The following SEMA6D variants were observed in gnomAD, a reference collection of about 807,000 sequenced individuals.
SEMA6D encodes the protein semaphorin-6D.
Under a neutral mutation model 106.6 loss-of-function variants are expected in SEMA6D, and 35 were observed. The observed-to-expected ratio is 0.33, with a 90% confidence interval of 0.25 to 0.44. The LOEUF is 0.44. Among genes scored for constraint, SEMA6D ranks in the 20% least tolerant of loss-of-function variants. The probability of loss-of-function intolerance (pLI) is 1.00; values close to 1 mark genes in which losing one functional copy is unlikely to be tolerated. For missense variants in SEMA6D, 1,185 were observed against 1,345.9 expected, an observed-to-expected ratio of 0.88 and a Z score of 1.87; for synonymous variants, 499 against 487.7, an observed-to-expected ratio of 1.02 and a Z score of -0.31.
intron 1 of SEMA6D, among the ~76,000 whole-genome samples, chr15:47,374,784 C>T (rs372528018): frequency 5.3e-5 from 8 of 152,238 alleles, no homozygotes; most frequent in African/African-American, 1.4e-4. Flanking sequence ...TTACTCCTAA[C>T]GTCTAAATCT....
At chr15:47,264,307 A>C (rs1052339371) in intron 1 of SEMA6D, among the ~76,000 whole-genome samples, 17 of 151,608 alleles carry the variant, frequency 1.1e-4, no homozygotes, top group African/African-American at 4.1e-4. Context: ...TTACTTATGT[A>C]ATAAACCTGG....
intron 2 of SEMA6D, among the ~76,000 whole-genome samples, chr15:47,428,345 A>G (rs756384084): frequency 1.3e-5 from 2 of 152,142 alleles, no homozygotes; most frequent in South Asian, 2.1e-4. Context: ...ATATACATCA[A>G]TCAACTCCAG....
chr15:47,400,488 CAA>C (rs375822492), intron 1 of SEMA6D, among the ~76,000 whole-genome samples: 11 of 119,116 alleles, frequency 9.2e-5, no homozygotes, highest in African/African-American at 1.6e-4. Context: ...GACTCTGTCT[CAA>C]AAAAAAAAAA....
At chr15:47,549,850 C>T (rs935451524) in intron 3 of SEMA6D, among the ~76,000 whole-genome samples, 1 of 152,102 alleles carries the variant, frequency 6.6e-6, no homozygotes, top group Non-Finnish European at 1.5e-5. Flanking sequence ...TTTTTCACTA[C>T]AGCCCTAAGC....
chr15:47,344,770 ACT>A (rs758511797), intron 1 of SEMA6D, among the ~76,000 whole-genome samples: 46 of 152,054 alleles, frequency 3.0e-4, no homozygotes, highest in Non-Finnish European at 4.9e-4. Context: ...AAGAAGTAAA[ACT>A]CTTTTGTTTG....
At chr15:47,614,686 C>T (rs2143989596) in intron 4 of SEMA6D, among the ~76,000 whole-genome samples, 1 of 152,278 alleles carries the variant, frequency 6.6e-6, no homozygotes, top group South Asian at 2.1e-4. Flanking sequence ...TAAGAGTTCC[C>T]ACCCTCCAGT....
At chr15:47,376,439 G>A (rs1299303201) in intron 1 of SEMA6D, among the ~76,000 whole-genome samples, 2 of 152,196 alleles carry the variant, frequency 1.3e-5, no homozygotes, top group Non-Finnish European at 2.9e-5. Flanking sequence ...CAATGGAGAT[G>A]TTGAACATAA....
intron 1 of SEMA6D, among the ~76,000 whole-genome samples, chr15:47,259,442 A>G (rs929218335): frequency 3.9e-5 from 6 of 152,052 alleles, no homozygotes; most frequent in African/African-American, 1.4e-4. Context: ...TTTACCAGAT[A>G]TAAAATTTAT....
chr15:47,207,647 A>G (rs1895163224), intron 1 of SEMA6D, among the ~76,000 whole-genome samples: 1 of 152,014 alleles, frequency 6.6e-6, no homozygotes, highest in Middle Eastern at 3.2e-3. Context: ...CAATTTAGCA[A>G]ATCTGCCTGG....
chr15:47,687,137 C>T (rs555769974), intron 4 of SEMA6D, among the ~76,000 whole-genome samples: 4 of 150,922 alleles, frequency 2.7e-5, no homozygotes, highest in East Asian at 1.9e-4. Flanking sequence ...TGGAAAACTT[C>T]GACTAAATCT....
At chr15:47,718,051 A>G (rs2079195163) in intron 1 of SEMA6D, among the ~76,000 whole-genome samples, 2 of 152,126 alleles carry the variant, frequency 1.3e-5, no homozygotes, top group Admixed American at 6.5e-5. Context: ...CCCCTTGGAA[A>G]AAAAGCGGAG....
chr15:47,330,790 A>G (rs2037312958), intron 1 of SEMA6D, among the ~76,000 whole-genome samples: 1 of 152,194 alleles, frequency 6.6e-6, no homozygotes, highest in South Asian at 2.1e-4. Context: ...CTCTGAGGAA[A>G]TGACTTTCAA....
At position 47,516,134 on chromosome 15, in the gene SEMA6D, A is replaced by G. The variant is rs2044380060; in HGVS notation, c.-87+45589A>G. Among the ~76,000 whole-genome samples the G allele has an allele frequency of 2.0e-5, 3 of 152,220 alleles. No homozygotes were observed. In the South Asian group the frequency reaches 6.2e-4, roughly 32 times the overall value. ...ATGGATGGCTTTTGTTATGGGAGCA[A>G]CATTGTTGTTTATAATGACTCTGCA... On this transcript the variant is annotated intron_variant, in intron 3 of 19. Coordinates refer to the SEMA6D transcript ENST00000558014.
intron 1 of SEMA6D, among the ~76,000 whole-genome samples, chr15:47,370,083 C>T (rs543151399): frequency 6.6e-6 from 1 of 152,318 alleles, no homozygotes; most frequent in East Asian, 1.9e-4. Context: ...CTTGTTTCTT[C>T]TGGCAAAGGG....
At chr15:47,601,698 G>A (rs1160024720) in intron 4 of SEMA6D, among the ~76,000 whole-genome samples, 13 of 152,148 alleles carry the variant, frequency 8.5e-5, no homozygotes, top group Admixed American at 8.5e-4. Flanking sequence ...ATGTCCTGTT[G>A]AGAGGCTGGG....
At chr15:47,492,300 C>T (rs2043499763) in intron 3 of SEMA6D, among the ~76,000 whole-genome samples, 1 of 152,082 alleles carries the variant, frequency 6.6e-6, no homozygotes. Flanking sequence ...TTCCATACTG[C>T]AGAGTCATAT....
Position 47,768,705 on chromosome 15 carries a change from A to G in SEMA6D, c.1890A>G (p.Pro630=), listed in dbSNP as rs1169249578. 1.9e-6 allele frequency: 3 copies of G among 1,613,562 alleles called. No homozygotes were observed. The highest frequency in any genetic ancestry group is 2.5e-6 in the Non-Finnish European group (3 of 1,179,612). ...GGAAATTTGTAGTTCAAGATGATCC[A>G]AACACTTCTGATTTTACTGATCCTT... ...SSRKFVVQDD[P]NTSDFTDPLS... is the part of the protein sequence containing the mutation. Residue 630 remains proline, a synonymous_variant, in exon 18 of 19, where the codon CCA becomes CCG. Coordinates refer to ENST00000536845, the MANE Select transcript of SEMA6D (RefSeq NM_001358351.3).
intron 4 of SEMA6D, among the ~76,000 whole-genome samples, chr15:47,699,338 C>G (rs764808156): frequency 6.6e-6 from 1 of 152,146 alleles, no homozygotes; most frequent in African/African-American, 2.4e-5. Context: ...TTGTCTTTTA[C>G]AATCCTATGA....
At chr15:47,744,012 T>C (rs999574760) in intron 1 of SEMA6D, among the ~76,000 whole-genome samples, 4 of 152,192 alleles carry the variant, frequency 2.6e-5, no homozygotes, top group Non-Finnish European at 5.9e-5. Context: ...CCAGCAGTTC[T>C]TTAACTCCTT....
Sources: gnomAD v4.1 joint callset for allele counts (sites outside exome capture counted in the v4.1 genomes callset) on GRCh38, gnomAD v4.1.1 for gene constraint, MANE v1.5 for transcripts, NCBI Gene and HGNC (gene_info 2026-07-23, HGNC 2026-07-21) for gene names.